Variants in EPM2A observed in about 807,000 individuals in gnomAD.
EPM2A encodes EPM2A glucan phosphatase, laforin.
In EPM2A, 21 loss-of-function variants were observed where a neutral mutation model predicts 26.5. The observed-to-expected ratio is 0.79, with a 90% CI of 0.56 to 1.14. The LOEUF is 1.14. EPM2A is among the 50% of genes most tolerant of loss of function. EPM2A has a pLI of 0.00. For synonymous variants in EPM2A, 217 were observed against 177.6 expected (o/e 1.22, Z -1.76); for missense variants, 458 against 440.8 (o/e 1.04, Z -0.35).
downstream of EPM2A, among the ~76,000 whole-genome samples, chr6:145,622,178 TGCCTGATATAAC>T (rs1381430903): frequency 6.6e-6 from 1 of 152,334 alleles, no homozygotes; most frequent in East Asian, 1.9e-4. Flanking sequence ...GTTGGTATAA[TGCCTGATATAAC>T]AACAGTACAG....
intron 4 of EPM2A, among the ~76,000 whole-genome samples, chr6:145,450,484 A>T (rs1779183521): frequency 6.6e-6 from 1 of 152,092 alleles, no homozygotes; most frequent in Non-Finnish European, 1.5e-5. Flanking sequence ...CTGTATATGT[A>T]TTCTCACCAA....
chr6:145,704,243 G>A (rs1782091087), intron 1 of EPM2A, among the ~76,000 whole-genome samples: 1 of 152,090 alleles, frequency 6.6e-6, no homozygotes, highest in Non-Finnish European at 1.5e-5. Context: ...GAAAGGGAGT[G>A]CATGGGATGA....
At chr6:145,493,294 G>A (rs978913941) in intron 4 of EPM2A, among the ~76,000 whole-genome samples, 2 of 152,188 alleles carry the variant, frequency 1.3e-5, no homozygotes, top group African/African-American at 2.4e-5. Flanking sequence ...CAGCTTAACT[G>A]TTGTTGGTGT....
intron 4 of EPM2A, among the ~76,000 whole-genome samples, chr6:145,461,466 A>G (rs1390036335): frequency 6.6e-6 from 1 of 152,194 alleles, no homozygotes; most frequent in Non-Finnish European, 1.5e-5. Flanking sequence ...AAGGAGAGAC[A>G]CAACCTGTTC....
intron 2 of EPM2A, among the ~76,000 whole-genome samples, chr6:145,685,704 G>A (rs1431307242): frequency 1.3e-5 from 2 of 152,116 alleles, no homozygotes; most frequent in Non-Finnish European, 2.9e-5. Context: ...ATTCAATCTA[G>A]TTCTGTGCCT....
In EPM2A at chr6:145,435,877, T is replaced by A. The variant is rs140631951; in HGVS notation, c.556-51780A>T. ...ATATAGAGAGTTTTTTATACCCCTGTGCACACACATACATAGCATCCCCCA... is the reference window on the plus strand; with the variant it reads ...ATATAGAGAGTTTTTTATACCCCTGAGCACACACATACATAGCATCCCCCA... On this transcript the variant is annotated intron_variant, in intron 4 of 4. Transcript: ENST00000638717. Among the ~76,000 whole-genome samples, 44 of 152,332 alleles carry A rather than the reference T, an allele frequency of 2.9e-4. No individual in the cohort carries two copies. The East Asian group carries it at 6.6e-3, about 23-fold the overall frequency.
intron 4 of EPM2A, among the ~76,000 whole-genome samples, chr6:145,401,762 A>G (rs1310656047): frequency 6.6e-6 from 1 of 152,156 alleles, no homozygotes; most frequent in African/African-American, 2.4e-5. Context: ...GACAGAAGGT[A>G]AGGCAGGGCT....
chr6:145,654,014 A>T (rs1778077048), intron 2 of EPM2A, among the ~76,000 whole-genome samples: 1 of 152,152 alleles, frequency 6.6e-6, no homozygotes, highest in African/African-American at 2.4e-5. Context: ...TGCTGCTGAA[A>T]TAGCCAGGCC....
chr6:145,457,740 A>G (rs1452884451), intron 4 of EPM2A, among the ~76,000 whole-genome samples: 1 of 152,112 alleles, frequency 6.6e-6, no homozygotes, highest in African/African-American at 2.4e-5. Context: ...CCTTCTCCTG[A>G]CTGCCAGATA....
chr6:145,658,273 A>G (rs1470152900), intron 2 of EPM2A, among the ~76,000 whole-genome samples: 2 of 152,156 alleles, frequency 1.3e-5, no homozygotes, highest in Non-Finnish European at 2.9e-5. Flanking sequence ...TTTCCATTCA[A>G]TGACTGACCT....
At chr6:145,407,504 GTGCAAGTTCTGCACACCTA>G (rs1778585449) in intron 4 of EPM2A, among the ~76,000 whole-genome samples, 1 of 152,108 alleles carries the variant, frequency 6.6e-6, no homozygotes, top group South Asian at 2.1e-4. Flanking sequence ...TGTATATTTA[GTGCAAGTTCTGCACACCTA>G]TGCAAAATGT....
chr6:145,458,945 C>T (rs1401725700), intron 4 of EPM2A, among the ~76,000 whole-genome samples: 1 of 152,130 alleles, frequency 6.6e-6, no homozygotes. Context: ...TCCAGACAGA[C>T]ATTCTTCATA....
intron 4 of EPM2A, among the ~76,000 whole-genome samples, chr6:145,459,897 CTTTAATGATCATCTTTTCCAACCCTCTCA>C: frequency 6.6e-6 from 1 of 152,242 alleles, no homozygotes; most frequent in East Asian, 1.9e-4. Flanking sequence ...CTGAAAAAGG[CTTTAATGATCATCTTTTCCAACCCTCTCA>C]TTTAGCAATT....
intron 4 of EPM2A, among the ~76,000 whole-genome samples, chr6:145,484,523 GGTATAGT>G (rs1477117058): frequency 6.6e-6 from 1 of 152,074 alleles, no homozygotes; most frequent in African/African-American, 2.4e-5. Context: ...GTATGTGAAA[GGTATAGT>G]GTTTGGAGTC....
At chr6:145,670,974 T>C in intron 2 of EPM2A, 1 of 984,604 alleles carries the variant, frequency 1.0e-6, no homozygotes, top group South Asian at 4.7e-5. Flanking sequence ...TATGAACAAT[T>C]GTAATCTTGG....
At chr6:145,574,637 C>T (rs569798973) in intron 2 of EPM2A, among the ~76,000 whole-genome samples, 1 of 152,208 alleles carries the variant, frequency 6.6e-6, no homozygotes, top group African/African-American at 2.4e-5. Flanking sequence ...ATACACTTCC[C>T]CATCCCAAAC....
rs1222261634 is a variant in EPM2A at position 145,735,286 on chromosome 6, C to A, written c.213G>T (p.Ala71=). The A allele has an allele frequency of 6.7e-7, 1 of 1,491,540 alleles. No homozygotes were observed. The highest frequency in any genetic ancestry group is 8.9e-7 in the Non-Finnish European group (1 of 1,118,882). The allele number at this position is 1,491,540 out of a possible 1,614,324, so 92.4% of individuals were successfully genotyped here. Residue 71 remains alanine, a synonymous_variant, in exon 1 of 4, where the codon GCG becomes GCT. Transcript: ENST00000367519. ...LGEVELAAEE[A]AQDGAEPGRV... is the part of the protein sequence containing the mutation. ...GGCCCGGCTCCGCCCCGTCCTGCGC[C>A]GCCTCCTCGGCCGCCAGCTCCACCT...
intron 4 of EPM2A, chr6:145,489,545 G>C (rs1329995819): frequency 2.2e-5 from 15 of 681,530 alleles, no homozygotes; most frequent in East Asian, 2.8e-5. Context: ...TGGTCCACTT[G>C]TCTGTTAGCT....
chr6:145,465,945 C>T (rs975341144), intron 4 of EPM2A, among the ~76,000 whole-genome samples: 1 of 152,006 alleles, frequency 6.6e-6, no homozygotes, highest in African/African-American at 2.4e-5. Context: ...ATGTAGAAAG[C>T]TGAAACTGGA....
Sources: gnomAD v4.1 joint callset for allele counts (sites outside exome capture counted in the v4.1 genomes callset) on GRCh38, gnomAD v4.1.1 for gene constraint, MANE v1.5 for transcripts, NCBI Gene and HGNC (gene_info 2026-07-23, HGNC 2026-07-21) for gene names.